Variants in ARHGAP44 observed in about 807,000 individuals in gnomAD.
The protein encoded by ARHGAP44 is Rho GTPase activating protein 44, also known as rho GTPase-activating protein 44.
Under a neutral mutation model 106.8 loss-of-function variants are expected in ARHGAP44, and 43 were observed. That is an observed-to-expected ratio of 0.40 (90% CI 0.32 to 0.52). ARHGAP44 has a LOEUF of 0.52. ARHGAP44 is among the 20% of genes least tolerant of loss of function. ARHGAP44 has a pLI of 0.48. For missense variants in ARHGAP44, 866 were observed against 1,050.5 expected (o/e 0.82, Z 2.43); for synonymous variants, 439 against 410.3 (o/e 1.07, Z -0.85).
At chr17:12,811,286 C>T (rs1273837168) in intron 1 of ARHGAP44, among the ~76,000 whole-genome samples, 1 of 146,978 alleles carries the variant, frequency 6.8e-6, no homozygotes, top group Non-Finnish European at 1.5e-5. Context: ...GCACTCCAGC[C>T]TGGGTGACAG....
At position 12,915,950 on chromosome 17, in the gene ARHGAP44, T is replaced by G; in HGVS notation, c.326T>G (p.Leu109Arg). ...ACGGAGGACAAGCTGGCTCAGGAGC[T>G]GATACATTTTGAGTTGCAAGTAGAG... is the stretch of plus-strand genomic sequence containing the variant. ...GETEDKLAQE[L>R]IHFELQVERD... Residue 109 changes from leucine (L) to arginine (R), a missense_variant, in exon 5 of 21, where the codon CTG (leucine) becomes CGG (arginine). Coordinates refer to ENST00000379672, the MANE Select transcript of ARHGAP44 (RefSeq NM_014859.6). 6.2e-7 allele frequency: 1 copy of G among 1,613,946 alleles called. No individual in the cohort carries two copies. Among genetic ancestry groups the G allele is most frequent in the Non-Finnish European group, 8.5e-7 (1 of 1,179,884 alleles).
At chr17:12,867,115 G>A (rs1201218845) in intron 1 of ARHGAP44, among the ~76,000 whole-genome samples, 1 of 151,196 alleles carries the variant, frequency 6.6e-6, no homozygotes, top group Non-Finnish European at 1.5e-5. Flanking sequence ...GAAAGTGAGA[G>A]GAGAGATCTA....
At chr17:12,800,502 A>G (rs1315582080) in intron 1 of ARHGAP44, among the ~76,000 whole-genome samples, 2 of 152,188 alleles carry the variant, frequency 1.3e-5, no homozygotes, top group Non-Finnish European at 2.9e-5. Context: ...TGGTGCAGTG[A>G]TGGCAGAGGC....
At chr17:12,802,945 ATATATATATATATATATATATATATTT>A (rs1400209171) in intron 1 of ARHGAP44, among the ~76,000 whole-genome samples, 18 of 15,510 alleles carry the variant, frequency 1.2e-3, no homozygotes, top group Non-Finnish European at 1.9e-3. Context: ...ATATATATAT[ATATATATATATATATATATATATATTT>A]TTTTTTTTTT....
chr17:12,825,342 T>C (rs561054284), intron 1 of ARHGAP44, among the ~76,000 whole-genome samples: 115 of 151,112 alleles, frequency 7.6e-4, no homozygotes, highest in Admixed American at 3.2e-3. Context: ...CAGCCCTTGA[T>C]TACTAATTTT....
intron 16 of ARHGAP44, among the ~76,000 whole-genome samples, chr17:12,965,552 C>A (rs146608452): frequency 3.1e-3 from 471 of 152,270 alleles, no homozygotes; most frequent in African/African-American, 0.011. Context: ...CTATGGTATA[C>A]CAGTTTCCAC....
intron 13 of ARHGAP44, among the ~76,000 whole-genome samples, chr17:12,954,424 G>A (rs892212556): frequency 2.0e-5 from 3 of 152,196 alleles, no homozygotes; most frequent in Non-Finnish European, 2.9e-5. Flanking sequence ...GCCCTAGGCC[G>A]CTGGCCAGCC....
Position 12,955,741 on chromosome 17 carries a change from C to T in ARHGAP44, c.1137-126C>T. The stretch of plus-strand genomic sequence containing the variant: ...CCTGACACGTGACGCATGTTCATTA[C>T]ATTGCAGGTGCACGAGTCTCCTAGT... On this transcript the variant is annotated intron_variant, in intron 13 of 20. Coordinates refer to ENST00000379672, the MANE Select transcript of ARHGAP44 (RefSeq NM_014859.6). The T allele has an allele frequency of 4.9e-6, 3 of 612,998 alleles. 1 individual carries two copies. The South Asian group carries it at 6.3e-5, about 13-fold the overall frequency. The allele number at this position is 612,998 out of a possible 1,614,324, so 38.0% of individuals were successfully genotyped here.
At chr17:12,816,327 AAACT>A (rs905109519) in intron 1 of ARHGAP44, among the ~76,000 whole-genome samples, 18 of 152,136 alleles carry the variant, frequency 1.2e-4, no homozygotes, top group African/African-American at 4.1e-4. Context: ...AGAAGGTATA[AAACT>A]AACCATACAC....
intron 1 of ARHGAP44, among the ~76,000 whole-genome samples, chr17:12,848,387 G>T (rs970566586): frequency 6.6e-6 from 1 of 151,412 alleles, no homozygotes; most frequent in Non-Finnish European, 1.5e-5. Flanking sequence ...TGTTAATTCT[G>T]CATGATAACA....
At chr17:12,917,089 A>G (rs1163206352) in intron 5 of ARHGAP44, among the ~76,000 whole-genome samples, 1 of 152,196 alleles carries the variant, frequency 6.6e-6, no homozygotes, top group East Asian at 1.9e-4. Flanking sequence ...AGCATTTCAG[A>G]TAAGGGACAC....
At chr17:12,813,390 G>A (rs1222477743) in intron 1 of ARHGAP44, among the ~76,000 whole-genome samples, 1 of 151,770 alleles carries the variant, frequency 6.6e-6, no homozygotes, top group Non-Finnish European at 1.5e-5. Context: ...AGAAAAACAA[G>A]AGGAGTACCT....
At chr17:12,909,956 C>G (rs1412159033) in intron 4 of ARHGAP44, among the ~76,000 whole-genome samples, 1 of 152,098 alleles carries the variant, frequency 6.6e-6, no homozygotes, top group African/African-American at 2.4e-5. Flanking sequence ...AAGATCATTA[C>G]TATAAAATAG....
chr17:12,968,906 A>G (rs1211202199), intron 16 of ARHGAP44, among the ~76,000 whole-genome samples: 1 of 151,604 alleles, frequency 6.6e-6, no homozygotes, highest in Non-Finnish European at 1.5e-5. Flanking sequence ...AGTAGCTGGG[A>G]TTACGGGCAC....
intron 1 of ARHGAP44, among the ~76,000 whole-genome samples, chr17:12,799,553 C>G (rs985999228): frequency 3.3e-5 from 5 of 152,152 alleles, no homozygotes; most frequent in African/African-American, 1.2e-4. Flanking sequence ...TGGGCCAGTA[C>G]TAGTTCCCTG....
At chr17:12,940,845 C>T (rs2038687408) in intron 7 of ARHGAP44, among the ~76,000 whole-genome samples, 1 of 152,186 alleles carries the variant, frequency 6.6e-6, no homozygotes, top group African/African-American at 2.4e-5. Flanking sequence ...GGGGAAATGA[C>T]TGACATAGGT....
At chr17:12,959,155 A>G (rs2039199513) in intron 16 of ARHGAP44, 1 of 442,522 alleles carries the variant, frequency 2.3e-6, no homozygotes, top group Non-Finnish European at 4.1e-6. Flanking sequence ...CAAAAGAAAG[A>G]AAAAGTAGTC....
At chr17:12,791,720 T>G (rs979882313) in intron 1 of ARHGAP44, among the ~76,000 whole-genome samples, 6 of 152,070 alleles carry the variant, frequency 3.9e-5, no homozygotes, top group Non-Finnish European at 5.9e-5. Context: ...GAAAAAGTGG[T>G]CTTAGGTATT....
chr17:12,794,764 T>G (rs1477968227), intron 1 of ARHGAP44, among the ~76,000 whole-genome samples: 2 of 152,128 alleles, frequency 1.3e-5, no homozygotes, highest in Non-Finnish European at 2.9e-5. Flanking sequence ...TCATTGCTGC[T>G]GTGCAGCTCT....
Sources: gnomAD v4.1 joint callset for allele counts (sites outside exome capture counted in the v4.1 genomes callset) on GRCh38, gnomAD v4.1.1 for gene constraint, MANE v1.5 for transcripts, NCBI Gene and HGNC (gene_info 2026-07-23, HGNC 2026-07-21) for gene names.